GNG12: variants seen among roughly 807,000 people sequenced by gnomAD.
GNG12 encodes G protein subunit gamma 12.
For synonymous variants in GNG12, 28 were observed against 29.7 expected, an observed-to-expected ratio of 0.94 and a Z score of 0.19; for missense variants, 69 against 83.8, an observed-to-expected ratio of 0.82 and a Z score of 0.69.
intron 1 of GNG12, among the ~76,000 whole-genome samples, chr1:67,805,443 G>A (rs1368637287): frequency 6.6e-6 from 1 of 152,156 alleles, no homozygotes; most frequent in African/African-American, 2.4e-5. Flanking sequence ...GGAAAAAGTA[G>A]GCAACATGCA....
At position 67,719,003 on chromosome 1, in the gene GNG12, A is replaced by G. The variant is rs1280631103; in HGVS notation, c.-26-11291T>C. Among the ~76,000 whole-genome samples, 4 of 152,350 alleles carry G rather than the reference A, an allele frequency of 2.6e-5. No individual in the cohort carries two copies. In the East Asian group the frequency reaches 7.7e-4, roughly 29 times the overall value. ...TCATGCCCATTTTACAAACGAAGAA[A>G]CTGAGGCACAGAGAGGTTAAATATG... is the stretch of plus-strand genomic sequence containing the variant. On this transcript the variant is annotated intron_variant, in intron 2 of 3. Coordinates refer to ENST00000370982, the MANE Select transcript of GNG12 (RefSeq NM_018841.6).
chr1:67,793,485 G>A (rs886743003), intron 1 of GNG12, among the ~76,000 whole-genome samples: 46 of 151,672 alleles, frequency 3.0e-4, no homozygotes, highest in African/African-American at 1.1e-3. Flanking sequence ...AGAAGAAAAC[G>A]GTAGATATCA....
At chr1:67,821,074 A>G (rs1646982025) in intron 1 of GNG12, among the ~76,000 whole-genome samples, 2 of 152,180 alleles carry the variant, frequency 1.3e-5, no homozygotes, top group Admixed American at 1.3e-4. Flanking sequence ...TCTAAGAAGC[A>G]TATTTTGTTC....
At chr1:67,824,346 C>CA (rs1557629129) in intron 1 of GNG12, among the ~76,000 whole-genome samples, 2 of 151,522 alleles carry the variant, frequency 1.3e-5, no homozygotes, top group Non-Finnish European at 2.9e-5. Context: ...CCCATTTCTA[C>CA]AAAAAACACA....
intron 1 of GNG12, among the ~76,000 whole-genome samples, chr1:67,830,319 A>T (rs899461777): frequency 6.6e-6 from 1 of 152,168 alleles, no homozygotes; most frequent in Non-Finnish European, 1.5e-5. Context: ...GAAGGCATTT[A>T]AAAAATTTTT....
intron 2 of GNG12, among the ~76,000 whole-genome samples, chr1:67,749,055 TG>T (rs1453685290): frequency 6.6e-6 from 1 of 151,356 alleles, no homozygotes; most frequent in Non-Finnish European, 1.5e-5. Flanking sequence ...GGGGAGGAGG[TG>T]GGGAACAACC....
intron 2 of GNG12, among the ~76,000 whole-genome samples, chr1:67,761,122 G>T (rs530813531): frequency 6.6e-6 from 1 of 152,234 alleles, no homozygotes; most frequent in African/African-American, 2.4e-5. Context: ...TAGGATTCTG[G>T]GGTAAAGCTG....
At chr1:67,797,129 G>A (rs1268388717) in intron 1 of GNG12, among the ~76,000 whole-genome samples, 1 of 152,114 alleles carries the variant, frequency 6.6e-6, no homozygotes, top group African/African-American at 2.4e-5. Flanking sequence ...AGATTTGGAG[G>A]GGACAAACAT....
chr1:67,745,300 A>T (rs1366469837), intron 2 of GNG12, among the ~76,000 whole-genome samples: 1 of 152,198 alleles, frequency 6.6e-6, no homozygotes, highest in Admixed American at 6.5e-5. Context: ...ATAGCTTTCC[A>T]TCTGAATTGT....
chr1:67,710,560 C>A (rs1646289238), intron 2 of GNG12, among the ~76,000 whole-genome samples: 2 of 152,106 alleles, frequency 1.3e-5, no homozygotes, highest in South Asian at 4.1e-4. Context: ...AGTCTACAGT[C>A]AGACTCTATT....
intron 2 of GNG12, among the ~76,000 whole-genome samples, chr1:67,749,028 C>T (rs545807990): frequency 6.6e-6 from 1 of 152,262 alleles, no homozygotes; most frequent in Admixed American, 6.5e-5. Flanking sequence ...GACTTTCCCT[C>T]TTCCCACTCC....
At chr1:67,753,145 T>C (rs771869642) in intron 2 of GNG12, among the ~76,000 whole-genome samples, 18 of 152,020 alleles carry the variant, frequency 1.2e-4, no homozygotes, top group Non-Finnish European at 2.2e-4. Context: ...GAATATAGAG[T>C]GGGTGTTTGG....
intron 2 of GNG12, among the ~76,000 whole-genome samples, chr1:67,713,601 G>C (rs1378623862): frequency 1.3e-5 from 2 of 151,932 alleles, no homozygotes; most frequent in African/African-American, 4.8e-5. Flanking sequence ...AATCACTGGA[G>C]TGAAGCCAAC....
At chr1:67,721,508 C>T (rs1646356032) in intron 2 of GNG12, among the ~76,000 whole-genome samples, 1 of 152,118 alleles carries the variant, frequency 6.6e-6, no homozygotes, top group South Asian at 2.1e-4. Context: ...AGCTTAAGGA[C>T]CACCCCACTA....
intron 1 of GNG12, among the ~76,000 whole-genome samples, chr1:67,829,739 G>A (rs1570582196): frequency 6.6e-6 from 1 of 152,258 alleles, no homozygotes. Flanking sequence ...GGAGTGAAAC[G>A]AATCAATAAT....
Position 67,797,301 on chromosome 1 carries a change from C to T in GNG12, c.-76-19794G>A, listed in dbSNP as rs138697759. On this transcript the variant is annotated intron_variant, in intron 1 of 3. Coordinates refer to ENST00000370982, the MANE Select transcript of GNG12 (RefSeq NM_018841.6). The stretch of plus-strand genomic sequence containing the variant: ...TTCCAAAATTATTTTTCTACTCATA[C>T]CTAACTTGTCCTGCCATTAAGATAC... 1.2e-4 allele frequency among the ~76,000 whole-genome samples: 18 copies of T among 152,256 alleles called. No homozygotes were observed. In the East Asian group the frequency reaches 3.5e-3, roughly 29 times the overall value.
At chr1:67,722,623 G>A (rs1274241254) in intron 2 of GNG12, among the ~76,000 whole-genome samples, 1 of 152,030 alleles carries the variant, frequency 6.6e-6, no homozygotes, top group Non-Finnish European at 1.5e-5. Context: ...GGGGTGGGGA[G>A]AATTTCAAAA....
chr1:67,705,293 A>C lies in GNG12; in HGVS notation c.*158T>G. On this transcript the variant is annotated 3_prime_UTR_variant, in exon 4 of 4. Transcript: ENST00000370982. ...AGTAAAGGGTATTTTAAGAGAAAGG[A>C]CAACTTGGAAAATAGAGACTTCAGA... is the stretch of plus-strand genomic sequence containing the variant. 8.6e-7 allele frequency: 1 copy of C among 1,157,540 alleles called. No homozygotes were observed. Among genetic ancestry groups the C allele is most frequent in the Non-Finnish European group, 1.2e-6 (1 of 849,660 alleles). The allele number at this position is 1,157,540 out of a possible 1,614,324, so 71.7% of individuals were successfully genotyped here.
chr1:67,734,243 G>C (rs1212002342), intron 2 of GNG12, among the ~76,000 whole-genome samples: 4 of 151,836 alleles, frequency 2.6e-5, no homozygotes, highest in Non-Finnish European at 5.9e-5. Context: ...GTGAGAGGCA[G>C]AGAGAGCACA....
Sources: allele counts gnomAD v4.1 joint callset (sites outside exome capture counted in the v4.1 genomes callset), GRCh38; gene constraint gnomAD v4.1.1; transcripts MANE v1.5; gene names NCBI Gene and HGNC (gene_info 2026-07-23, HGNC 2026-07-21).